GSN: variants seen among roughly 807,000 people sequenced by gnomAD.
The protein encoded by GSN is gelsolin, also known as actin-depolymerizing factor.
A neutral mutation model predicts 85.7 loss-of-function variants in GSN; 56 were observed. The observed-to-expected ratio is 0.65, with a 90% confidence interval of 0.53 to 0.82. The LOEUF (loss-of-function observed/expected upper bound fraction) is 0.82. Ranked by LOEUF, GSN falls within the 40% of genes least tolerant of loss-of-function variation. The pLI, the probability that GSN is intolerant of heterozygous loss-of-function variation, is 0.00. For missense variants in GSN, 857 were observed against 979.8 expected (o/e 0.87, Z 1.67); for synonymous variants, 373 against 399.1 (o/e 0.93, Z 0.78).
At chr9:121,316,777 C>CT (rs1360755115) in intron 7 of GSN, among the ~76,000 whole-genome samples, 2 of 152,048 alleles carry the variant, frequency 1.3e-5, no homozygotes, top group Admixed American at 6.5e-5. Context: ...GGCCTCTTCT[C>CT]TTTTTTTTGA....
chr9:121,249,421 G>A (rs2054770744), intron 6 of GSN, among the ~76,000 whole-genome samples: 1 of 152,196 alleles, frequency 6.6e-6, no homozygotes, highest in Non-Finnish European at 1.5e-5. Flanking sequence ...AGGCTGCAGT[G>A]AGCCATGATC....
intron 1 of GSN, among the ~76,000 whole-genome samples, chr9:121,272,215 C>G (rs1564382018): frequency 6.6e-6 from 1 of 152,218 alleles, no homozygotes; most frequent in Non-Finnish European, 1.5e-5. Flanking sequence ...CTGTCCCTCC[C>G]CTGCCATATG....
chr9:121,215,526 T>C (rs551422247), intron 4 of GSN, among the ~76,000 whole-genome samples: 1 of 152,134 alleles, frequency 6.6e-6, no homozygotes, highest in South Asian at 2.1e-4. Flanking sequence ...AAACCCCATC[T>C]CTACTAAAAA....
chr9:121,296,536 G>A (rs1308589371), intron 2 of GSN, among the ~76,000 whole-genome samples: 1 of 152,122 alleles, frequency 6.6e-6, no homozygotes, highest in Non-Finnish European at 1.5e-5. Flanking sequence ...TAGGAAAGAG[G>A]CTTCGAGTCA....
intron 4 of GSN, among the ~76,000 whole-genome samples, chr9:121,218,643 TAAAG>T (rs970630931): frequency 4.0e-5 from 6 of 151,896 alleles, no homozygotes; most frequent in Non-Finnish European, 4.4e-5. Context: ...TCAAAAAAAA[TAAAG>T]AAAGGAGGAA....
At chr9:121,310,231 G>A in intron 4 of GSN, 1 of 271,596 alleles carries the variant, frequency 3.7e-6, no homozygotes, top group Non-Finnish European at 7.2e-6. Context: ...CAGGGAGGGT[G>A]AGTGAGAAGC....
At chr9:121,306,844 A>T (rs186196447) in intron 4 of GSN, among the ~76,000 whole-genome samples, 1,840 of 146,172 alleles carry the variant, frequency 0.013, 13 homozygotes, top group South Asian at 0.035. Context: ...TAGAGGAGTT[A>T]ATTAATCAGG....
At chr9:121,281,302 G>A in intron 1 of GSN, 168 bp from the exon 2 acceptor site, 1 of 285,566 alleles carries the variant, frequency 3.5e-6, no homozygotes, top group Non-Finnish European at 6.9e-6. Flanking sequence ...CCAGCAGCAG[G>A]TCTTGCAGCC....
Position 121,310,704 on chromosome 9 carries a change from A to T in GSN, c.372A>T (p.Gly124=), listed in dbSNP as rs745766553. The T allele has an allele frequency of 6.2e-7, 1 of 1,613,984 alleles. No homozygotes were observed. Among genetic ancestry groups the T allele is most frequent in the African/African-American group, 1.3e-5 (1 of 74,884 alleles). The change falls in exon 5 of 18, where the codon GGA becomes GGT. Residue 124 remains glycine, a synonymous_variant. Transcript: ENST00000432226. The part of the protein sequence containing the change: ...LKYKKGGVAS[G]FKHVVPNEVV... ...CACAGAAAGGAGGTGTGGCATCAGG[A>T]TTCAAGCACGTGGTACCCAACGAGG...
upstream of GSN, chr9:121,207,694 T>C (rs1037883868): frequency 1.4e-4 from 22 of 152,128 alleles, no homozygotes; most frequent in African/African-American, 4.8e-4. Flanking sequence ...GGAAAGTATA[T>C]GGTTTTGAGA....
In GSN at chr9:121,332,725, C is replaced by CT. The variant is rs71680051; in HGVS notation, c.*136dup. The CT allele has an allele frequency of 0.021, 12,748 of 597,948 alleles. 1 individual carries two copies. The highest frequency in any genetic ancestry group is 0.03 in the Middle Eastern group (63 of 2,132). 37.0% of individuals were successfully genotyped at this position (597,948 alleles called of 1,614,324 possible). A position where few individuals can be genotyped will look rare whatever the true frequency, so the allele number is the denominator to read the frequency against. On this transcript the variant is annotated 3_prime_UTR_variant, in exon 18 of 18. Transcript: ENST00000432226. The surrounding 1 kb of genome is among the most constrained non-coding windows in gnomAD (Gnocchi z 4.8). ...GTGTGTGTGTGTGTGTGTGTTGTTT[C>CT]TTTTTTTTTTTTTTACAGTATCCAA...
At chr9:121,298,804 G>A (rs750007132) in intron 2 of GSN, among the ~76,000 whole-genome samples, 6 of 152,294 alleles carry the variant, frequency 3.9e-5, no homozygotes, top group Non-Finnish European at 8.8e-5. Flanking sequence ...TAGGAGGGAG[G>A]AGAGGGGTTG....
At chr9:121,294,725 T>C (rs1375938666) in intron 2 of GSN, among the ~76,000 whole-genome samples, 1 of 152,210 alleles carries the variant, frequency 6.6e-6, no homozygotes, top group Non-Finnish European at 1.5e-5. Context: ...GACCCAGGCC[T>C]CAGTTCTGGC....
At chr9:121,312,589 A>AG (rs1311884387) in intron 6 of GSN, 101 bp downstream of exon 6, 6 of 905,806 alleles carry the variant, frequency 6.6e-6, no homozygotes, top group Non-Finnish European at 9.7e-6. Flanking sequence ...AAAAAAAAAA[A>AG]CTTCCGCTCT....
chr9:121,267,660 C>A (rs1206691639), upstream of GSN, among the ~76,000 whole-genome samples: 1 of 152,194 alleles, frequency 6.6e-6, no homozygotes, highest in Non-Finnish European at 1.5e-5. Context: ...TTACTTCATT[C>A]GGAATGAGCT....
chr9:121,240,041 G>A (rs4837818), intron 5 of GSN: 1 of 155,472 alleles, frequency 6.4e-6, no homozygotes, highest in South Asian at 1.8e-4. Flanking sequence ...GTTTGGGTGT[G>A]GCCCATTCAT....
Position 121,299,906 on chromosome 9 carries a change from C to G in GSN, c.-9-2057C>G. Reference sequence around the variant, plus strand: ...CGCCCGCGCTGCTTTGCGCGCTGTCCCTGGCGCTGTGCGCGCTGTCGCTGC... The same window carrying G: ...CGCCCGCGCTGCTTTGCGCGCTGTCGCTGGCGCTGTGCGCGCTGTCGCTGC... On this transcript the variant is annotated intron_variant, in intron 2 of 17. Transcript: ENST00000432226. The surrounding 1 kb of genome is among the most constrained non-coding windows in gnomAD (Gnocchi z 4.2). 2 of 1,274,632 alleles carry G rather than the reference C, an allele frequency of 1.6e-6. No individual in the cohort carries two copies. Among genetic ancestry groups the G allele is most frequent in the South Asian group, 3.0e-5 (1 of 33,280 alleles). The allele number at this position is 1,274,632 out of a possible 1,614,324, so 79.0% of individuals were successfully genotyped here. A position where few individuals can be genotyped will look rare whatever the true frequency, so the allele number is the denominator to read the frequency against.
intron 7 of GSN, among the ~76,000 whole-genome samples, 198 bp downstream of exon 7, chr9:121,314,221 A>G (rs1216903241): frequency 6.6e-6 from 1 of 152,254 alleles, no homozygotes; most frequent in East Asian, 1.9e-4. Context: ...TCAACTCCGT[A>G]CATATCTGTG....
At chr9:121,240,385 T>C (rs2054580643) in intron 5 of GSN, among the ~76,000 whole-genome samples, 1 of 152,208 alleles carries the variant, frequency 6.6e-6, no homozygotes, top group African/African-American at 2.4e-5. Context: ...GGTGCTGATA[T>C]CTATATGCTC....
Sources: gnomAD v4.1 joint callset for allele counts (sites outside exome capture counted in the v4.1 genomes callset) on GRCh38, gnomAD v4.1.1 for gene constraint, Gnocchi (gnomAD v3.1) non-coding constraint, MANE v1.5 for transcripts, NCBI Gene and HGNC (gene_info 2026-07-23, HGNC 2026-07-21) for gene names.